The following CNBD1 variants were observed in gnomAD, a reference collection of about 807,000 sequenced individuals.
CNBD1 encodes cyclic nucleotide-binding domain-containing protein 1.
In CNBD1, 71 loss-of-function variants were observed where a neutral mutation model predicts 54.4. The ratio of observed to expected loss-of-function variants is 1.30; its 90% CI spans 1.08 to 1.59. The LOEUF (loss-of-function observed/expected upper bound fraction) is 1.59. Ranked by LOEUF, CNBD1 falls within the 40% of genes most tolerant of loss-of-function variation. The pLI, the probability that CNBD1 is intolerant of heterozygous loss-of-function variation, is 0.00. For synonymous variants in CNBD1, 182 were observed against 170.7 expected, an observed-to-expected ratio of 1.07 and a Z score of -0.51; for missense variants, 659 against 518.0, an observed-to-expected ratio of 1.27 and a Z score of -2.64.
At chr8:87,047,544 C>T (rs1445353659) in intron 4 of CNBD1, among the ~76,000 whole-genome samples, 1 of 152,180 alleles carries the variant, frequency 6.6e-6, no homozygotes, top group Non-Finnish European at 1.5e-5. Flanking sequence ...AACAAATTTG[C>T]CTCTTATCTG....
intron 3 of CNBD1, among the ~76,000 whole-genome samples, chr8:86,911,886 C>T (rs1274489254): frequency 6.6e-6 from 1 of 151,856 alleles, no homozygotes; most frequent in Non-Finnish European, 1.5e-5. Flanking sequence ...TTGTAAAATG[C>T]CTAGGAAAAT....
intron 4 of CNBD1, among the ~76,000 whole-genome samples, chr8:87,057,154 A>G (rs1810432876): frequency 6.6e-6 from 1 of 152,202 alleles, no homozygotes; most frequent in African/African-American, 2.4e-5. Context: ...GTTCGTCCTC[A>G]TGCTTCTGTG....
intron 4 of CNBD1, among the ~76,000 whole-genome samples, chr8:86,979,678 T>A (rs1167064196): frequency 6.6e-6 from 1 of 152,116 alleles, no homozygotes; most frequent in East Asian, 1.9e-4. Context: ...ACAGACAAAT[T>A]AGCTGTTCAG....
intron 4 of CNBD1, among the ~76,000 whole-genome samples, chr8:87,128,701 T>C (rs961145509): frequency 2.0e-5 from 3 of 152,068 alleles, no homozygotes; most frequent in African/African-American, 7.2e-5. Context: ...TTAAACCACT[T>C]TGTATCCTTG....
At chr8:87,413,211 G>T (rs1279204278) in intron 2 of CNBD1, among the ~76,000 whole-genome samples, 1 of 151,984 alleles carries the variant, frequency 6.6e-6, no homozygotes, top group African/African-American at 2.4e-5. Flanking sequence ...AGCTATCTGG[G>T]AACAAAAGGA....
chr8:87,190,510 C>T (rs560504541), intron 4 of CNBD1, among the ~76,000 whole-genome samples: 5 of 152,186 alleles, frequency 3.3e-5, no homozygotes, highest in Non-Finnish European at 5.9e-5. Context: ...TACCCTCTTT[C>T]GCTCCGAGTT....
intron 4 of CNBD1, among the ~76,000 whole-genome samples, chr8:86,945,765 TAAAG>T (rs1024866158): frequency 6.6e-6 from 1 of 152,128 alleles, no homozygotes; most frequent in African/African-American, 2.4e-5. Flanking sequence ...GAATGGGAAA[TAAAG>T]GAAGAGAATT....
chr8:87,003,983 C>T (rs1352759558), intron 4 of CNBD1, among the ~76,000 whole-genome samples: 1 of 152,054 alleles, frequency 6.6e-6, no homozygotes, highest in Non-Finnish European at 1.5e-5. Flanking sequence ...AGGGAAAGAA[C>T]AAGGAATGAA....
At chr8:87,336,496 T>C (rs1464084650) in intron 8 of CNBD1, among the ~76,000 whole-genome samples, 1 of 152,154 alleles carries the variant, frequency 6.6e-6, no homozygotes, top group South Asian at 2.1e-4. Context: ...TGGCTATTGA[T>C]CCTTGTGTAT....
intron 6 of CNBD1, among the ~76,000 whole-genome samples, chr8:87,264,107 A>G (rs10104762): frequency 0.37 from 56,102 of 151,832 alleles, 11,593 homozygotes; most frequent in Non-Finnish European, 0.47. Flanking sequence ...TTAACTCGTC[A>G]TTTAACATTA....
chr8:87,269,901 G>T (rs1001383225), intron 6 of CNBD1, among the ~76,000 whole-genome samples: 1 of 151,886 alleles, frequency 6.6e-6, no homozygotes, highest in Non-Finnish European at 1.5e-5. Flanking sequence ...GGAACTTCCT[G>T]ATTGTATGAA....
chr8:87,419,159 T>G (rs902932657), intron 2 of CNBD1, among the ~76,000 whole-genome samples: 7 of 151,898 alleles, frequency 4.6e-5, no homozygotes, highest in African/African-American at 1.7e-4. Context: ...AAACAATAGA[T>G]GAATCTTAAA....
chr8:87,346,199 G>A (rs1287703966), intron 8 of CNBD1, among the ~76,000 whole-genome samples: 1 of 151,754 alleles, frequency 6.6e-6, no homozygotes, highest in African/African-American at 2.4e-5. Context: ...GCGCCACCAC[G>A]CTCAGCTAAT....
At chr8:87,112,412 T>G (rs777739362) in intron 4 of CNBD1, among the ~76,000 whole-genome samples, 17 of 152,172 alleles carry the variant, frequency 1.1e-4, no homozygotes, top group Admixed American at 2.6e-4. Flanking sequence ...CTTTCACAAT[T>G]AAGTCCTAGT....
At chr8:87,341,910 A>G (rs987004442) in intron 8 of CNBD1, among the ~76,000 whole-genome samples, 2 of 152,154 alleles carry the variant, frequency 1.3e-5, no homozygotes, top group African/African-American at 2.4e-5. Flanking sequence ...CAGACTAAGA[A>G]TCTATGTGGT....
At chr8:87,084,967 C>T (rs1272127227) in intron 4 of CNBD1, among the ~76,000 whole-genome samples, 1 of 152,224 alleles carries the variant, frequency 6.6e-6, no homozygotes, top group Non-Finnish European at 1.5e-5. Flanking sequence ...AGCCACTACG[C>T]CCAGCCGTAT....
chr8:86,958,924 A>G (rs942156792), intron 4 of CNBD1, among the ~76,000 whole-genome samples: 1 of 152,124 alleles, frequency 6.6e-6, no homozygotes, highest in Non-Finnish European at 1.5e-5. Context: ...TCATTAGTTG[A>G]TGCAGTTTGT....
intron 8 of CNBD1, among the ~76,000 whole-genome samples, chr8:87,310,779 C>T (rs1051215836): frequency 3.9e-5 from 6 of 152,106 alleles, no homozygotes; most frequent in African/African-American, 1.4e-4. Flanking sequence ...CTGTACAAAA[C>T]AGACACATGG....
intron 3 of CNBD1, among the ~76,000 whole-genome samples, chr8:86,914,728 A>T (rs1157593253): frequency 6.6e-6 from 1 of 152,228 alleles, no homozygotes; most frequent in Non-Finnish European, 1.5e-5. Context: ...TACCTAATCT[A>T]CACTTCCCTT....
Sources: gnomAD v4.1 joint callset for allele counts (sites outside exome capture counted in the v4.1 genomes callset) on GRCh38, gnomAD v4.1.1 for gene constraint, MANE v1.5 for transcripts, NCBI Gene and HGNC (gene_info 2026-07-23, HGNC 2026-07-21) for gene names.